The following HEMK2 variants were observed in gnomAD, a reference collection of about 807,000 sequenced individuals.
HEMK2 encodes methyltransferase HEMK2.
the HEMK2 span, among the ~76,000 whole-genome samples, chr21:28,660,948 T>C: frequency 1.3e-5 from 2 of 152,138 alleles, no homozygotes; most frequent in African/African-American, 2.4e-5. Flanking sequence ...ACTCTACTTT[T>C]TTAAGGCCAG....
the HEMK2 span, among the ~76,000 whole-genome samples, chr21:28,783,612 G>A: frequency 2.0e-5 from 3 of 152,228 alleles, no homozygotes; most frequent in East Asian, 1.9e-4. Flanking sequence ...GGCAGCCCTC[G>A]CTCGCTCTTG....
chr21:28,850,217 CTTTTTTTT>C, the HEMK2 span, among the ~76,000 whole-genome samples: 5 of 94,430 alleles, frequency 5.3e-5, no homozygotes, highest in Admixed American at 1.4e-4. Context: ...ATTCAGCATT[CTTTTTTTT>C]TTTTTTTTTT....
the HEMK2 span, among the ~76,000 whole-genome samples, chr21:28,805,300 T>C: frequency 6.6e-6 from 1 of 152,210 alleles, no homozygotes; most frequent in Non-Finnish European, 1.5e-5. Context: ...TCTCACTGCC[T>C]GTTTTCCCTC....
At chr21:28,708,281 T>C in the HEMK2 span, among the ~76,000 whole-genome samples, 1 of 152,220 alleles carries the variant, frequency 6.6e-6, no homozygotes, top group Non-Finnish European at 1.5e-5. Context: ...AAAGATCTTT[T>C]GAAAATCAGG....
the HEMK2 span, among the ~76,000 whole-genome samples, chr21:28,789,987 C>T: frequency 1.3e-5 from 2 of 152,142 alleles, no homozygotes; most frequent in Non-Finnish European, 2.9e-5. Flanking sequence ...ATTGTAAACC[C>T]ACTGCCTTGT....
At chr21:28,679,391 A>G in the HEMK2 span, among the ~76,000 whole-genome samples, 1 of 152,186 alleles carries the variant, frequency 6.6e-6, no homozygotes, top group Admixed American at 6.5e-5. Context: ...CAGATTCATA[A>G]AGCAAGTCCT....
the HEMK2 span, chr21:28,882,918 A>AT: frequency 8.9e-7 from 1 of 1,122,920 alleles, no homozygotes; most frequent in Non-Finnish European, 1.3e-6. Flanking sequence ...CTCTTTAAAA[A>AT]TTATTTCATT....
At chr21:28,847,509 C>A in the HEMK2 span, among the ~76,000 whole-genome samples, 1 of 152,092 alleles carries the variant, frequency 6.6e-6, no homozygotes, top group Non-Finnish European at 1.5e-5. Flanking sequence ...CTTATAAATT[C>A]TGGATATTAG....
the HEMK2 span, among the ~76,000 whole-genome samples, chr21:28,582,203 T>C: frequency 6.3e-3 from 958 of 152,316 alleles, 12 homozygotes; most frequent in African/African-American, 0.022. Flanking sequence ...GTTCACACAG[T>C]TTAAACTGAA....
At chr21:28,743,946 G>A in the HEMK2 span, among the ~76,000 whole-genome samples, 34,780 of 152,016 alleles carry the variant, frequency 0.23, 4,622 homozygotes, top group African/African-American at 0.35. Flanking sequence ...TTACAGAAAC[G>A]TGGATGGAAC....
the HEMK2 span, chr21:28,885,353 C>T: frequency 1.3e-6 from 2 of 1,546,918 alleles, no homozygotes; most frequent in Admixed American, 1.9e-5. Flanking sequence ...CATAGTCCTT[C>T]GCTGCGTTCC....
chr21:28,796,438 C>A, the HEMK2 span, among the ~76,000 whole-genome samples: 4 of 152,180 alleles, frequency 2.6e-5, no homozygotes, highest in African/African-American at 9.7e-5. Context: ...CGACACCCAG[C>A]CAAATAAATG....
the HEMK2 span, among the ~76,000 whole-genome samples, chr21:28,615,581 C>A: frequency 1.3e-5 from 2 of 152,062 alleles, no homozygotes; most frequent in African/African-American, 4.8e-5. Context: ...ACAATAAATT[C>A]TTGCCAAAAA....
the HEMK2 span, among the ~76,000 whole-genome samples, chr21:28,626,342 T>G: frequency 6.6e-6 from 1 of 152,140 alleles, no homozygotes; most frequent in Non-Finnish European, 1.5e-5. Context: ...GAACAACTAC[T>G]AAATATTAAT....
the HEMK2 span, among the ~76,000 whole-genome samples, chr21:28,735,215 T>C: frequency 2.6e-5 from 4 of 152,254 alleles, no homozygotes; most frequent in Non-Finnish European, 5.9e-5. Flanking sequence ...ACTCATTTAC[T>C]AGCTCATAGT....
the HEMK2 span, among the ~76,000 whole-genome samples, chr21:28,735,974 T>C: frequency 2.6e-5 from 4 of 152,216 alleles, no homozygotes; most frequent in African/African-American, 9.7e-5. Context: ...TTGGCCCTTC[T>C]ACCCCATACT....
the HEMK2 span, among the ~76,000 whole-genome samples, chr21:28,578,821 G>A: frequency 4.6e-5 from 7 of 152,140 alleles, no homozygotes; most frequent in Non-Finnish European, 1.0e-4. Flanking sequence ...GGCAGCACAC[G>A]TAATATTGGG....
the HEMK2 span, among the ~76,000 whole-genome samples, chr21:28,871,460 A>G: frequency 1.3e-5 from 2 of 152,170 alleles, no homozygotes; most frequent in African/African-American, 4.8e-5. Context: ...CCATGATCCA[A>G]TCACCTCTCA....
chr21:28,778,754 T>C, the HEMK2 span, among the ~76,000 whole-genome samples: 1 of 152,230 alleles, frequency 6.6e-6, no homozygotes, highest in Non-Finnish European at 1.5e-5. Context: ...TTTTGCCCTT[T>C]ACTAATTAAA....
Sources: gnomAD v4.1 joint callset for allele counts (sites outside exome capture counted in the v4.1 genomes callset) on GRCh38, gnomAD v4.1.1 for gene constraint, MANE v1.5 for transcripts, NCBI Gene and HGNC (gene_info 2026-07-23, HGNC 2026-07-21) for gene names.